MAGI2: variants seen among roughly 807,000 people sequenced by gnomAD.
MAGI2 encodes the protein membrane-associated guanylate kinase, WW and PDZ domain-containing protein 2.
MAGI2 carries 35 observed loss-of-function variants against 133.3 expected under a neutral mutation model. The observed-to-expected ratio is 0.26, with a 90% CI of 0.20 to 0.35. MAGI2 has a LOEUF of 0.35. Among genes scored for constraint, MAGI2 ranks in the 10% least tolerant of loss-of-function variants. The pLI, the probability that MAGI2 is intolerant of heterozygous loss-of-function variation, is 1.00. For synonymous variants in MAGI2, 729 were observed against 710.6 expected (o/e 1.03, Z -0.41); for missense variants, 1,636 against 1,863.4 (o/e 0.88, Z 2.25).
chr7:79,404,148 C>T (rs7787956), intron 1 of MAGI2, among the ~76,000 whole-genome samples: 23,584 of 152,150 alleles, frequency 0.16, 2,130 homozygotes, highest in African/African-American at 0.24. Context: ...GGCAAGGATA[C>T]AGCAACCATG....
intron 3 of MAGI2, among the ~76,000 whole-genome samples, chr7:78,580,330 C>T (rs972856480): frequency 2.0e-5 from 3 of 152,028 alleles, no homozygotes; most frequent in Non-Finnish European, 4.4e-5. Flanking sequence ...GATGACTGGC[C>T]CTCTGTGCTA....
At chr7:78,731,913 A>T (rs186957231) in intron 2 of MAGI2, among the ~76,000 whole-genome samples, 1 of 152,216 alleles carries the variant, frequency 6.6e-6, no homozygotes, top group Non-Finnish European at 1.5e-5. Context: ...ATTTCAGGAG[A>T]TTCACTCTCT....
At chr7:78,951,946 T>C (rs1301021371) in intron 2 of MAGI2, among the ~76,000 whole-genome samples, 2 of 152,162 alleles carry the variant, frequency 1.3e-5, no homozygotes, top group Non-Finnish European at 2.9e-5. Context: ...TCCTAACATT[T>C]CACATGCCTG....
Position 78,511,786 on chromosome 7 carries a change from T to A in MAGI2, c.754+9644A>T, listed in dbSNP as rs978296587. On this transcript the variant is annotated intron_variant, in intron 4 of 21. Coordinates refer to ENST00000354212, the MANE Select transcript of MAGI2 (RefSeq NM_012301.4). The stretch of plus-strand genomic sequence containing the variant: ...AGTGGTTCTAAGTGCTAAAAAAAAA[T>A]TCATTATAATTAATATATAAGATAT... Among the ~76,000 whole-genome samples, 3 of 150,910 alleles carry A rather than the reference T, an allele frequency of 2.0e-5. No homozygotes were observed. The East Asian group carries it at 5.8e-4, about 29-fold the overall frequency.
At chr7:78,208,765 G>A (rs1787395097) in intron 10 of MAGI2, among the ~76,000 whole-genome samples, 1 of 151,528 alleles carries the variant, frequency 6.6e-6, no homozygotes, top group African/African-American at 2.4e-5. Flanking sequence ...TGTCTGTTTG[G>A]TATTTTACAC....
At chr7:78,957,436 T>C (rs1161691930) in intron 2 of MAGI2, among the ~76,000 whole-genome samples, 1 of 152,058 alleles carries the variant, frequency 6.6e-6, no homozygotes, top group Admixed American at 6.6e-5. Flanking sequence ...TTACTGATAA[T>C]TGTAATTTTC....
chr7:78,394,745 C>T (rs1796191454), intron 6 of MAGI2, among the ~76,000 whole-genome samples: 1 of 152,116 alleles, frequency 6.6e-6, no homozygotes, highest in Non-Finnish European at 1.5e-5. Flanking sequence ...AACTGTGGGA[C>T]CACATTACTC....
chr7:78,852,480 T>A (rs1212014209), intron 2 of MAGI2, among the ~76,000 whole-genome samples: 1 of 152,156 alleles, frequency 6.6e-6, no homozygotes, highest in East Asian at 1.9e-4. Context: ...GATAACCTTC[T>A]ATGCATTCTA....
At chr7:78,435,303 C>G (rs1800175139) in intron 6 of MAGI2, among the ~76,000 whole-genome samples, 1 of 152,040 alleles carries the variant, frequency 6.6e-6, no homozygotes, top group Admixed American at 6.6e-5. Context: ...AAGAGTTGCT[C>G]TCCCCCACAC....
chr7:78,307,953 G>A (rs554303550), intron 9 of MAGI2, among the ~76,000 whole-genome samples: 4 of 152,182 alleles, frequency 2.6e-5, no homozygotes, highest in African/African-American at 9.6e-5. Flanking sequence ...AAATAATAAG[G>A]GACAATTCAA....
At position 79,391,744 on chromosome 7, in the gene MAGI2, G is replaced by A. The variant is rs553089974; in HGVS notation, c.301+61276C>T. Among the ~76,000 whole-genome samples, 63 of 151,674 alleles carry A rather than the reference G, an allele frequency of 4.2e-4. 1 individual carries two copies. The highest frequency in any genetic ancestry group is 1.4e-3 in the African/African-American group (56 of 41,394). ...TTGCTCTGTCACCCAGGCTGGAGTGGCGCGATCTCGGCTCACTGCAAGCTC... is the reference window on the plus strand; with the variant it reads ...TTGCTCTGTCACCCAGGCTGGAGTGACGCGATCTCGGCTCACTGCAAGCTC... On this transcript the variant is annotated intron_variant, in intron 1 of 21. Transcript: ENST00000354212.
At chr7:78,087,011 T>C (rs543298015) in intron 20 of MAGI2, among the ~76,000 whole-genome samples, 182 of 152,340 alleles carry the variant, frequency 1.2e-3, no homozygotes, top group South Asian at 3.1e-3. Context: ...TGCTAGAATC[T>C]GAGTCCTCCT....
At chr7:78,416,163 A>G (rs993637625) in intron 6 of MAGI2, among the ~76,000 whole-genome samples, 4 of 152,158 alleles carry the variant, frequency 2.6e-5, no homozygotes, top group African/African-American at 9.7e-5. Context: ...TCTGAAATGA[A>G]GTGAATATGT....
At chr7:78,115,964 C>T (rs4296979) in intron 20 of MAGI2, among the ~76,000 whole-genome samples, 126,500 of 152,210 alleles carry the variant, frequency 0.83, 52,952 homozygotes, top group Non-Finnish European at 0.88. Context: ...ATAACCAAAC[C>T]TTATCCAATG....
At chr7:78,638,123 C>T (rs1458003588) in intron 2 of MAGI2, among the ~76,000 whole-genome samples, 1 of 151,598 alleles carries the variant, frequency 6.6e-6, no homozygotes, top group Non-Finnish European at 1.5e-5. Context: ...ATCACCTGAA[C>T]TAAAAAACCT....
chr7:79,287,473 C>G (rs1421859124), intron 1 of MAGI2, among the ~76,000 whole-genome samples: 18 of 152,086 alleles, frequency 1.2e-4, no homozygotes, highest in Admixed American at 1.1e-3. Context: ...AAGAAAATTA[C>G]AGGACTATTA....
At chr7:79,093,766 G>A (rs1817292135) in intron 1 of MAGI2, among the ~76,000 whole-genome samples, 1 of 143,648 alleles carries the variant, frequency 7.0e-6, no homozygotes, top group Non-Finnish European at 1.5e-5. Flanking sequence ...CCAGGCTGGA[G>A]TGCAATGGCA....
At chr7:78,242,402 AT>A (rs565279991) in intron 10 of MAGI2, among the ~76,000 whole-genome samples, 114 of 152,332 alleles carry the variant, frequency 7.5e-4, no homozygotes, top group Middle Eastern at 3.4e-3. Context: ...ACTGCAACTT[AT>A]GTGAGTGAGA....
chr7:78,745,458 G>A (rs1822837738), intron 2 of MAGI2, among the ~76,000 whole-genome samples: 1 of 151,866 alleles, frequency 6.6e-6, no homozygotes, highest in South Asian at 2.1e-4. Flanking sequence ...CCAAATCTGT[G>A]TGTTGTTCTC....
Sources: gnomAD v4.1 joint callset for allele counts (sites outside exome capture counted in the v4.1 genomes callset) on GRCh38, gnomAD v4.1.1 for gene constraint, MANE v1.5 for transcripts, NCBI Gene and HGNC (gene_info 2026-07-23, HGNC 2026-07-21) for gene names.